Variants in MRAP2 observed in about 807,000 individuals in gnomAD.
MRAP2 encodes melanocortin-2 receptor accessory protein 2.
MRAP2 carries 20 observed loss-of-function variants against 17.4 expected under a neutral mutation model. The observed-to-expected ratio is 1.15, with a 90% CI of 0.81 to 1.67. The LOEUF (loss-of-function observed/expected upper bound fraction) is 1.67, where lower values mean the gene tolerates loss of function less well. Among genes scored for constraint, MRAP2 ranks in the 40% most tolerant of loss-of-function variants. The pLI, the probability that MRAP2 is intolerant of heterozygous loss-of-function variation, is 0.00. For synonymous variants in MRAP2, 96 were observed against 88.4 expected, an observed-to-expected ratio of 1.09 and a Z score of -0.48; for missense variants, 238 against 240.0, an observed-to-expected ratio of 0.99 and a Z score of 0.05.
At chr6:84,116,841 T>C in the MRAP2 span, among the ~76,000 whole-genome samples, 1 of 152,192 alleles carries the variant, frequency 6.6e-6, no homozygotes, top group African/African-American at 2.4e-5. Flanking sequence ...TGTAGCCTAC[T>C]TGATCGTGGT....
intron 2 of MRAP2, among the ~76,000 whole-genome samples, chr6:84,056,397 G>C (rs1182346904): frequency 6.6e-6 from 1 of 152,110 alleles, no homozygotes; most frequent in African/African-American, 2.4e-5. Context: ...TTGCAAGAAG[G>C]GCTTTCTATT....
intron 3 of MRAP2, among the ~76,000 whole-genome samples, chr6:84,070,002 C>T (rs2099495800): frequency 6.6e-6 from 1 of 151,736 alleles, no homozygotes; most frequent in Non-Finnish European, 1.5e-5. Flanking sequence ...GTTATTCTTG[C>T]TAATGGTTTA....
At chr6:84,143,219 T>G in the MRAP2 span, among the ~76,000 whole-genome samples, 1 of 152,076 alleles carries the variant, frequency 6.6e-6, no homozygotes, top group East Asian at 1.9e-4. Context: ...CTACCTTGGC[T>G]TCTTAAATTT....
At chr6:84,141,032 G>A in the MRAP2 span, among the ~76,000 whole-genome samples, 2 of 152,040 alleles carry the variant, frequency 1.3e-5, no homozygotes, top group Non-Finnish European at 2.9e-5. Context: ...GTTCACAATT[G>A]GGTTCACGCT....
chr6:84,058,796 G>C lies in MRAP2; in HGVS notation c.127+3351G>C, dbSNP rs369707655. On this transcript the variant is annotated intron_variant, in intron 2 of 3. Transcript: ENST00000257776. ...TTTTTGGACGCCAACTGAAAAAAGG[G>C]TTGCAAAGACAGTCTGTGTCAAATG... 2.1e-4 allele frequency among the ~76,000 whole-genome samples: 32 copies of C among 152,322 alleles called. No individual in the cohort carries two copies. In the East Asian group the frequency reaches 6.0e-3, roughly 28 times the overall value.
chr6:84,085,970 T>C (rs534199398), intron 3 of MRAP2, among the ~76,000 whole-genome samples: 1 of 152,226 alleles, frequency 6.6e-6, no homozygotes, highest in Non-Finnish European at 1.5e-5. Flanking sequence ...AGGTGAGCCA[T>C]GGAGGCAGAG....
chr6:84,116,111 A>C, the MRAP2 span, among the ~76,000 whole-genome samples: 2 of 152,150 alleles, frequency 1.3e-5, no homozygotes, highest in Non-Finnish European at 2.9e-5. Context: ...ATTTAAATAC[A>C]CTTTATTTCT....
At chr6:84,125,601 T>TAGAGACACCGAAGAGATCATCACCAGA in the MRAP2 span, among the ~76,000 whole-genome samples, 1 of 152,072 alleles carries the variant, frequency 6.6e-6, no homozygotes, top group African/African-American at 2.4e-5. Flanking sequence ...TTTCCACCAC[T>TAGAGACACCGAAGAGATCATCACCAGA]AGAGACACCG....
intron 1 of MRAP2, among the ~76,000 whole-genome samples, chr6:84,042,866 T>C (rs982383611): frequency 2.6e-5 from 4 of 152,238 alleles, no homozygotes; most frequent in Non-Finnish European, 5.9e-5. Context: ...TCTCAAGCTC[T>C]TAAATAAACC....
At chr6:84,081,820 A>AAATGAATG (rs71549598) in intron 3 of MRAP2, among the ~76,000 whole-genome samples, 4 of 151,934 alleles carry the variant, frequency 2.6e-5, no homozygotes, top group South Asian at 2.1e-4. Context: ...TCCATCTTAA[A>AAATGAATG]AATGAATGAA....
At chr6:84,117,675 GTGTGTGTGTGGTT>G in the MRAP2 span, among the ~76,000 whole-genome samples, 2 of 150,362 alleles carry the variant, frequency 1.3e-5, no homozygotes, top group African/African-American at 5.0e-5. Flanking sequence ...GTGTGTGTGT[GTGTGTGTGTGGTT>G]GTTGTTGTTG....
chr6:84,146,123 C>T, the MRAP2 span, among the ~76,000 whole-genome samples: 92 of 152,150 alleles, frequency 6.0e-4, no homozygotes, highest in African/African-American at 2.2e-3. Flanking sequence ...CTATGTTTTC[C>T]TCTTCCTTTG....
At chr6:84,084,927 T>C (rs61001884) in intron 3 of MRAP2, among the ~76,000 whole-genome samples, 1,358 of 103,038 alleles carry the variant, frequency 0.013, 16 homozygotes, top group African/African-American at 0.045. Flanking sequence ...ATTTATTTTA[T>C]TTTACTTTAT....
At chr6:84,130,488 G>C in the MRAP2 span, among the ~76,000 whole-genome samples, 1 of 152,084 alleles carries the variant, frequency 6.6e-6, no homozygotes, top group African/African-American at 2.4e-5. Context: ...ATCCAGTCCT[G>C]GACTTTTTTT....
chr6:84,136,767 CTG>C, the MRAP2 span, among the ~76,000 whole-genome samples: 2 of 152,128 alleles, frequency 1.3e-5, no homozygotes, highest in African/African-American at 4.8e-5. Flanking sequence ...GCTGTAAAAA[CTG>C]AGGCTGAGAG....
chr6:84,052,877 A>C lies in MRAP2; in HGVS notation c.-7-2435A>C, dbSNP rs924249320. On this transcript the variant is annotated intron_variant, in intron 1 of 3. Transcript: ENST00000257776. ...CAGGACTTTTGCACATGTAGCTTTC[A>C]TTACCCTTTGGTAATGCCCTTTAGT... 3.8e-6 allele frequency: 3 copies of C among 787,768 alleles called. No homozygotes were observed. The African/African-American group carries it at 5.6e-5, about 15-fold the overall frequency. 48.8% of individuals were successfully genotyped at this position (787,768 alleles called of 1,614,324 possible).
chr6:84,065,426 A>G (rs879278354), intron 3 of MRAP2, among the ~76,000 whole-genome samples: 45 of 152,284 alleles, frequency 3.0e-4, no homozygotes, highest in Admixed American at 2.8e-3. Flanking sequence ...TCTTCATGTC[A>G]TTGTAAATAT....
intron 3 of MRAP2, among the ~76,000 whole-genome samples, chr6:84,077,515 G>T (rs2099497915): frequency 6.6e-6 from 1 of 152,100 alleles, no homozygotes; most frequent in Non-Finnish European, 1.5e-5. Context: ...TTTTCTACCT[G>T]AAATCTTCCA....
chr6:84,130,204 A>C, the MRAP2 span, among the ~76,000 whole-genome samples: 2 of 152,328 alleles, frequency 1.3e-5, no homozygotes, highest in South Asian at 2.1e-4. Context: ...TCAGGGATGA[A>C]GCTGACTTGA....
Sources: gnomAD v4.1 joint callset for allele counts (sites outside exome capture counted in the v4.1 genomes callset) on GRCh38, gnomAD v4.1.1 for gene constraint, MANE v1.5 for transcripts, NCBI Gene and HGNC (gene_info 2026-07-23, HGNC 2026-07-21) for gene names.